The following DLG5 variants were observed in gnomAD, a reference collection of about 807,000 sequenced individuals.
DLG5 encodes disks large homolog 5.
A neutral mutation model predicts 189.8 loss-of-function variants in DLG5; 48 were observed. The ratio of observed to expected loss-of-function variants is 0.25; its 90% CI spans 0.20 to 0.32. The LOEUF is 0.32. Ranked by LOEUF, DLG5 falls within the 10% of genes least tolerant of loss-of-function variation. The probability of loss-of-function intolerance (pLI) is 1.00; values close to 1 mark genes in which losing one functional copy is unlikely to be tolerated. For synonymous variants in DLG5, 1,016 were observed against 1,054.1 expected (o/e 0.96, Z 0.70); for missense variants, 2,160 against 2,544.7 (o/e 0.85, Z 3.25).
intron 14 of DLG5, among the ~76,000 whole-genome samples, chr10:77,822,507 G>A (rs941024179): frequency 3.3e-5 from 5 of 152,150 alleles, no homozygotes; most frequent in Middle Eastern, 6.8e-3. Flanking sequence ...AGCCAGGCAC[G>A]GTGGCATGCA....
chr10:77,813,086 A>G (rs1376937577), intron 20 of DLG5, among the ~76,000 whole-genome samples: 1 of 152,244 alleles, frequency 6.6e-6, no homozygotes, highest in Non-Finnish European at 1.5e-5. Flanking sequence ...GTTAGAAAGA[A>G]GATAAGGGAC....
At chr10:77,853,835 A>AT in intron 4 of DLG5, among the ~76,000 whole-genome samples, 1 of 152,284 alleles carries the variant, frequency 6.6e-6, no homozygotes, top group Middle Eastern at 3.4e-3. Context: ...GCCTGGACAG[A>AT]TATCAGCAGG....
chr10:77,792,410 A>C lies in DLG5; in HGVS notation c.*30T>G, dbSNP rs376367695. On this transcript the variant is annotated 3_prime_UTR_variant, in exon 32 of 32. Coordinates refer to ENST00000372391, the MANE Select transcript of DLG5 (RefSeq NM_004747.4). ...GAGTCTGGTGTCCCCTCAGGCGGCC[A>C]GCTGCAGTCATCCACAGCACAGCAT... 6.2e-7 allele frequency: 1 copy of C among 1,600,018 alleles called. No homozygotes were observed. The highest frequency in any genetic ancestry group is 1.3e-5 in the African/African-American group (1 of 74,682).
chr10:77,847,239 A>C (rs1464498504), intron 5 of DLG5, among the ~76,000 whole-genome samples: 1 of 152,052 alleles, frequency 6.6e-6, no homozygotes, highest in African/African-American at 2.4e-5. Context: ...CGAGAGAGAG[A>C]GATCAGGCCC....
chr10:77,796,340 G>A lies in DLG5; in HGVS notation c.5308+111C>T, dbSNP rs562122051. ...TGTCAGCAGGCTTCTGGAACACTGTGAAATCTGCCCCCCGGTACTGCCACC... is the reference window on the plus strand; with the variant it reads ...TGTCAGCAGGCTTCTGGAACACTGTAAAATCTGCCCCCCGGTACTGCCACC... On this transcript the variant is annotated intron_variant, in intron 28 of 31. Coordinates refer to ENST00000372391, the MANE Select transcript of DLG5 (RefSeq NM_004747.4). This position sits in a 1 kb window ranked among gnomAD's most constrained non-coding sequence, Gnocchi z 5.2. 1 of 1,587,370 alleles carries A rather than the reference G, an allele frequency of 6.3e-7. No individual in the cohort carries two copies. The highest frequency in any genetic ancestry group is 8.6e-7 in the Non-Finnish European group (1 of 1,163,546).
Position 77,817,100 on chromosome 10 carries a change from T to C in DLG5, c.3785-4A>G, listed in dbSNP as rs375483192. 6 of 1,614,062 alleles carry C rather than the reference T, an allele frequency of 3.7e-6. No homozygotes were observed. The African/African-American group carries it at 6.7e-5, about 18-fold the overall frequency. On this transcript the variant is annotated splice_region_variant and splice_polypyrimidine_tract_variant and intron_variant, in intron 18 of 31. Coordinates refer to ENST00000372391, the MANE Select transcript of DLG5 (RefSeq NM_004747.4). ...AACTGCAAGTTACTCGAAGAACCTATTGTTCCATAAGGGAACAAAACTTCA... is the reference window on the plus strand; with the variant it reads ...AACTGCAAGTTACTCGAAGAACCTACTGTTCCATAAGGGAACAAAACTTCA...
At chr10:77,894,745 C>A (rs2154577714) in intron 1 of DLG5, among the ~76,000 whole-genome samples, 1 of 152,194 alleles carries the variant, frequency 6.6e-6, no homozygotes, top group Middle Eastern at 3.4e-3. Flanking sequence ...TTCCCCACCT[C>A]TGCCCATCCA....
chr10:77,853,278 T>C, intron 5 of DLG5, 76 bp downstream of exon 5: 1 of 1,298,126 alleles, frequency 7.7e-7, no homozygotes, highest in Middle Eastern at 2.0e-4. Flanking sequence ...CAGCATTTAC[T>C]TCTCAATACT....
chr10:77,863,284 C>T (rs1241313116), intron 2 of DLG5, among the ~76,000 whole-genome samples: 1 of 151,622 alleles, frequency 6.6e-6, no homozygotes, highest in East Asian at 1.9e-4. Context: ...TTTATTGTAG[C>T]GACAGGGCCC....
At chr10:77,916,782 A>G (rs914732985) in intron 1 of DLG5, among the ~76,000 whole-genome samples, 4 of 151,896 alleles carry the variant, frequency 2.6e-5, no homozygotes, top group Admixed American at 2.6e-4. Context: ...AAGAAGAGAA[A>G]GCAGGGACTC....
intron 1 of DLG5, among the ~76,000 whole-genome samples, chr10:77,922,617 C>A (rs1372368633): frequency 6.6e-6 from 1 of 152,176 alleles, no homozygotes; most frequent in Non-Finnish European, 1.5e-5. Flanking sequence ...ATCAGGGGCA[C>A]TGGGCTTGGC....
intron 29 of DLG5, among the ~76,000 whole-genome samples, chr10:77,795,411 A>G (rs1840860529): frequency 6.6e-6 from 1 of 152,060 alleles, no homozygotes; most frequent in Admixed American, 6.5e-5. Flanking sequence ...CGACCCCCAG[A>G]TGCTCCACTG....
In DLG5 at chr10:77,796,599, G is replaced by C; in HGVS notation, c.5165-5C>G. 1 of 1,613,760 alleles carries C rather than the reference G, an allele frequency of 6.2e-7. No homozygotes were observed. Among genetic ancestry groups the C allele is most frequent in the Non-Finnish European group, 8.5e-7 (1 of 1,179,818 alleles). ...GATAGGCCAGGCTCACCGAATCTGA[G>C]GGAGAGAGAGCAGCAGCGTCACGGA... is the stretch of plus-strand genomic sequence containing the variant. On this transcript the variant is annotated splice_region_variant and splice_polypyrimidine_tract_variant and intron_variant, in intron 27 of 31. Coordinates refer to ENST00000372391, the MANE Select transcript of DLG5 (RefSeq NM_004747.4). This position sits in a 1 kb window ranked among gnomAD's most constrained non-coding sequence, Gnocchi z 5.2.
chr10:77,899,303 A>T (rs891865662), intron 1 of DLG5, among the ~76,000 whole-genome samples: 1 of 152,166 alleles, frequency 6.6e-6, no homozygotes, highest in East Asian at 1.9e-4. Context: ...GGGCAATGGA[A>T]ATCTGCCAGC....
At chr10:77,814,466 TATATATATATATATATATATA>T (rs1433953986) in intron 20 of DLG5, among the ~76,000 whole-genome samples, 1 of 41,122 alleles carries the variant, frequency 2.4e-5, no homozygotes, top group African/African-American at 2.2e-4. Context: ...CATGTTTATA[TATATATATATATATATATATA>T]TATATATATA....
At chr10:77,818,824 C>T (rs1216556392) in intron 17 of DLG5, among the ~76,000 whole-genome samples, 5 of 151,884 alleles carry the variant, frequency 3.3e-5, no homozygotes, top group Admixed American at 3.3e-4. Context: ...AAAAACCACA[C>T]GACATGAGCT....
At chr10:77,814,555 CT>C (rs1407567750) in intron 20 of DLG5, among the ~76,000 whole-genome samples, 3 of 133,778 alleles carry the variant, frequency 2.2e-5, no homozygotes, top group South Asian at 2.5e-4. Context: ...TAATCTGTGA[CT>C]TTTTTCTTCT....
chr10:77,857,061 A>G (rs2154576767), intron 2 of DLG5, among the ~76,000 whole-genome samples, 169 bp from the exon 3 acceptor site: 1 of 152,294 alleles, frequency 6.6e-6, no homozygotes, highest in East Asian at 1.9e-4. Context: ...GGTAGCAGGT[A>G]GAACTGAAAG....
chr10:77,938,822 C>G, the DLG5 span, among the ~76,000 whole-genome samples: 1 of 152,220 alleles, frequency 6.6e-6, no homozygotes, highest in African/African-American at 2.4e-5. Context: ...GTGTGTGGTT[C>G]CCATCTTGCA....
Sources: gnomAD v4.1 joint callset for allele counts (sites outside exome capture counted in the v4.1 genomes callset) on GRCh38, gnomAD v4.1.1 for gene constraint, Gnocchi (gnomAD v3.1) non-coding constraint, MANE v1.5 for transcripts, NCBI Gene and HGNC (gene_info 2026-07-23, HGNC 2026-07-21) for gene names.